The following PMPCB variants were observed in gnomAD, a reference collection of about 807,000 sequenced individuals.
PMPCB encodes peptidase, mitochondrial processing subunit beta.
In PMPCB, 46 loss-of-function variants were observed where a neutral mutation model predicts 61.5. The observed-to-expected ratio is 0.75, with a 90% CI of 0.59 to 0.96. The LOEUF (loss-of-function observed/expected upper bound fraction) is 0.96. Ranked by LOEUF, PMPCB falls within the 40% of genes least tolerant of loss-of-function variation. PMPCB has a pLI of 0.00. For synonymous variants in PMPCB, 191 were observed against 201.6 expected (o/e 0.95, Z 0.44); for missense variants, 590 against 602.4 (o/e 0.98, Z 0.22).
At chr7:103,338,848 T>G in the PMPCB span, among the ~76,000 whole-genome samples, 1 of 152,012 alleles carries the variant, frequency 6.6e-6, no homozygotes, top group African/African-American at 2.4e-5. Context: ...AGGCGGAGGT[T>G]GCAGTGGGCC....
intron 6 of PMPCB, among the ~76,000 whole-genome samples, chr7:103,306,283 A>C (rs576137298): frequency 6.6e-6 from 1 of 152,098 alleles, no homozygotes; most frequent in Non-Finnish European, 1.5e-5. Context: ...TTTGGGTCTC[A>C]AGTAAGGGAT....
intron 12 of PMPCB, chr7:103,322,912 C>A: frequency 5.1e-6 from 4 of 781,322 alleles, no homozygotes; most frequent in Non-Finnish European, 8.0e-6. Context: ...AATGCTGTGT[C>A]ATTACTAACA....
At chr7:103,322,928 C>A in intron 12 of PMPCB, 4 of 758,698 alleles carry the variant, frequency 5.3e-6, no homozygotes, top group Non-Finnish European at 6.2e-6. Context: ...TAACATTAAA[C>A]AATGATTTTT....
At chr7:103,333,178 T>C (rs1340070153), downstream of PMPCB, among the ~76,000 whole-genome samples, 1 of 151,126 alleles carries the variant, frequency 6.6e-6, no homozygotes, top group African/African-American at 2.5e-5. Flanking sequence ...TTGTTTATTC[T>C]TCTTATAAAA....
chr7:103,321,820 C>T lies in PMPCB; in HGVS notation c.*1432-7111C>T, dbSNP rs915343220. ...CTGAGATCGCGCCACTGCACTCCAG[C>T]CTGGGCGACAGAGCGAGACCCCATC... On this transcript the variant is annotated intron_variant and NMD_transcript_variant, in intron 12 of 12. Coordinates refer to the PMPCB transcript ENST00000444457. 3.6e-5 allele frequency: 46 copies of T among 1,266,352 alleles called. 1 individual carries two copies. In the South Asian group the frequency reaches 7.4e-4, roughly 20 times the overall value. 78.4% of individuals were successfully genotyped at this position (1,266,352 alleles called of 1,614,324 possible). A position where few individuals can be genotyped will look rare whatever the true frequency, so the allele number is the denominator to read the frequency against.
intron 3 of PMPCB, 113 bp from the exon 4 acceptor site, chr7:103,300,065 C>T (rs907576802): frequency 9.8e-5 from 99 of 1,009,220 alleles, no homozygotes; most frequent in Non-Finnish European, 1.3e-4. Flanking sequence ...CTTTAGAAAC[C>T]AAATTTGACC....
intron 11 of PMPCB, 43 bp downstream of exon 11, chr7:103,311,939 C>G: frequency 6.6e-7 from 1 of 1,514,068 alleles, no homozygotes; most frequent in South Asian, 1.2e-5. Flanking sequence ...GTAAAAAGAT[C>G]CTTGTTACAA....
chr7:103,329,132 T>C, exon 13 of PMPCB: 1 of 385,582 alleles, frequency 2.6e-6, no homozygotes, highest in Middle Eastern at 5.2e-4. Context: ...GGAGGGGCTG[T>C]CTCAGTTTTT....
downstream of PMPCB, among the ~76,000 whole-genome samples, chr7:103,318,101 C>G (rs1818171274): frequency 6.6e-6 from 1 of 152,098 alleles, no homozygotes; most frequent in South Asian, 2.1e-4. Flanking sequence ...TATTAAAAAC[C>G]TGATCATTGG....
In PMPCB at chr7:103,298,602, C is replaced by T; in HGVS notation, c.134C>T (p.Thr45Ile). The change falls in exon 2 of 13, where the codon ACA becomes ATA. Residue 45 changes from threonine to isoleucine, a missense_variant. Physicochemically the swap from Thr to Ile is moderately conservative, Grantham distance 89. Coordinates refer to ENST00000249269, the MANE Select transcript of PMPCB (RefSeq NM_004279.3). ...TTTGGAGAGAACAGATTAAGAAGTA[C>T]ACAGGCTGCTACCCAAGTTGTTCTG... is the stretch of plus-strand genomic sequence containing the variant. ...LYFGENRLRS[T>I]QAATQVVLNV... is the part of the protein sequence containing the mutation. The T allele has an allele frequency of 6.2e-7, 1 of 1,613,988 alleles. No homozygotes were observed. The highest frequency in any genetic ancestry group is 8.5e-7 in the Non-Finnish European group (1 of 1,179,852).
the PMPCB span, among the ~76,000 whole-genome samples, chr7:103,343,778 G>C: frequency 6.6e-6 from 1 of 152,194 alleles, no homozygotes. Flanking sequence ...TACCTGTGTA[G>C]TATGGGTGTG....
At chr7:103,330,401 C>T (rs1818917914), downstream of PMPCB, among the ~76,000 whole-genome samples, 1 of 152,126 alleles carries the variant, frequency 6.6e-6, no homozygotes, top group Non-Finnish European at 1.5e-5. Flanking sequence ...GATCCTCCCA[C>T]CTCAGCCTCC....
chr7:103,327,825 C>A, intron 12 of PMPCB: 1 of 904,788 alleles, frequency 1.1e-6, no homozygotes, highest in Admixed American at 2.4e-5. Flanking sequence ...TACATGTAGA[C>A]CATTTCTAAA....
chr7:103,322,918 T>A, intron 12 of PMPCB: 1 of 795,664 alleles, frequency 1.3e-6, no homozygotes, highest in African/African-American at 1.7e-5. Context: ...GTGTCATTAC[T>A]AACATTAAAC....
chr7:103,316,035 CT>C (rs1307461521), downstream of PMPCB: 1 of 1,603,440 alleles, frequency 6.2e-7, no homozygotes, highest in Non-Finnish European at 8.5e-7. Flanking sequence ...TTTGGCAGTT[CT>C]TTTGACTCCA....
At chr7:103,301,895 G>C (rs1163511498) in intron 4 of PMPCB, among the ~76,000 whole-genome samples, 2 of 151,990 alleles carry the variant, frequency 1.3e-5, no homozygotes, top group Admixed American at 1.3e-4. Flanking sequence ...TTGGTGTGCT[G>C]CACCCGTTAA....
intron 12 of PMPCB, among the ~76,000 whole-genome samples, chr7:103,326,221 G>A (rs545923514): frequency 3.3e-4 from 50 of 152,212 alleles, no homozygotes; most frequent in African/African-American, 1.1e-3. Context: ...CAGGTGATCC[G>A]TCCACCTCGG....
At chr7:103,316,256 G>A (rs1818048492), downstream of PMPCB, 7 of 435,240 alleles carry the variant, frequency 1.6e-5, no homozygotes, top group South Asian at 4.9e-4. Context: ...CTGGACTACG[G>A]TTTTTGCTTT....
downstream of PMPCB, among the ~76,000 whole-genome samples, chr7:103,332,226 C>T (rs1819006019): frequency 6.6e-6 from 1 of 152,136 alleles, no homozygotes; most frequent in African/African-American, 2.4e-5. Context: ...AGGATGGTCT[C>T]GATCTCCTGA....
Sources: gnomAD v4.1 joint callset for allele counts (sites outside exome capture counted in the v4.1 genomes callset) on GRCh38, gnomAD v4.1.1 for gene constraint, MANE v1.5 for transcripts, NCBI Gene and HGNC (gene_info 2026-07-23, HGNC 2026-07-21) for gene names.